The following STXBP5L variants were observed in gnomAD, a reference collection of about 807,000 sequenced individuals.
STXBP5L encodes the protein syntaxin-binding protein 5-like.
In STXBP5L, 65 loss-of-function variants were observed where a neutral mutation model predicts 144.5. That is an observed-to-expected ratio of 0.45 (90% CI 0.37 to 0.55). The LOEUF (loss-of-function observed/expected upper bound fraction) is 0.55, where lower values mean the gene tolerates loss of function less well. Ranked by LOEUF, STXBP5L falls within the 20% of genes least tolerant of loss-of-function variation. The probability of loss-of-function intolerance (pLI) is 0.00; values close to 1 mark genes in which losing one functional copy is unlikely to be tolerated. For synonymous variants in STXBP5L, 505 were observed against 469.6 expected (o/e 1.08, Z -0.97); for missense variants, 1,298 against 1,405.5 (o/e 0.92, Z 1.22).
chr3:121,385,932 G>A (rs2046417310), intron 22 of STXBP5L, among the ~76,000 whole-genome samples: 2 of 151,978 alleles, frequency 1.3e-5, no homozygotes, highest in Admixed American at 6.6e-5. Context: ...GGCTTTGTCT[G>A]GAAATTATTT....
chr3:120,981,892 T>C (rs982235604), intron 3 of STXBP5L, among the ~76,000 whole-genome samples: 1 of 152,196 alleles, frequency 6.6e-6, no homozygotes, highest in African/African-American at 2.4e-5. Context: ...TGTATGATTG[T>C]TTGGCTTCAA....
intron 20 of STXBP5L, among the ~76,000 whole-genome samples, chr3:121,343,298 G>C (rs1272551878): frequency 6.6e-6 from 1 of 152,022 alleles, no homozygotes; most frequent in Non-Finnish European, 1.5e-5. Flanking sequence ...TAGGTTGGCT[G>C]TTCACTCTGA....
At chr3:121,233,121 A>C (rs2049359933) in intron 11 of STXBP5L, among the ~76,000 whole-genome samples, 1 of 152,296 alleles carries the variant, frequency 6.6e-6, no homozygotes. Context: ...TGGTTACACA[A>C]CCTATAAATA....
chr3:120,974,020 A>G (rs1052170183), intron 3 of STXBP5L, among the ~76,000 whole-genome samples: 10 of 152,204 alleles, frequency 6.6e-5, no homozygotes, highest in Non-Finnish European at 1.0e-4. Context: ...ATGTGTCTTT[A>G]TAGCAGCATG....
chr3:121,167,281 T>C (rs1017982655), intron 9 of STXBP5L, among the ~76,000 whole-genome samples: 100 of 152,336 alleles, frequency 6.6e-4, no homozygotes, highest in Non-Finnish European at 2.4e-4. Flanking sequence ...ACCTAACTGC[T>C]TATGTGTTAA....
intron 19 of STXBP5L, among the ~76,000 whole-genome samples, chr3:121,304,602 C>T (rs2043272440): frequency 6.6e-6 from 1 of 151,984 alleles, no homozygotes; most frequent in Non-Finnish European, 1.5e-5. Context: ...CAACTCATCT[C>T]TAAATAACTC....
At chr3:121,006,197 G>T (rs923092014) in intron 3 of STXBP5L, among the ~76,000 whole-genome samples, 1 of 152,150 alleles carries the variant, frequency 6.6e-6, no homozygotes, top group African/African-American at 2.4e-5. Context: ...AAGTCTCTTT[G>T]TGGGTCTCTA....
At chr3:121,089,931 A>G (rs1373911706) in intron 5 of STXBP5L, among the ~76,000 whole-genome samples, 4 of 151,668 alleles carry the variant, frequency 2.6e-5, no homozygotes, top group African/African-American at 7.3e-5. Flanking sequence ...GGTTCTTTTT[A>G]CTTACTTTTT....
chr3:121,089,984 G>A (rs1474441351), intron 5 of STXBP5L, among the ~76,000 whole-genome samples: 3 of 151,914 alleles, frequency 2.0e-5, no homozygotes, highest in Non-Finnish European at 2.9e-5. Context: ...ATATGTGTCT[G>A]TACTTGTTGA....
At chr3:121,350,977 T>A (rs140217245) in intron 20 of STXBP5L, among the ~76,000 whole-genome samples, 25 of 152,302 alleles carry the variant, frequency 1.6e-4, no homozygotes, top group African/African-American at 5.8e-4. Context: ...TCATTCTCTG[T>A]CCAGCTTTGT....
intron 9 of STXBP5L, among the ~76,000 whole-genome samples, chr3:121,191,094 G>T (rs530726942): frequency 6.6e-6 from 1 of 151,862 alleles, no homozygotes; most frequent in Non-Finnish European, 1.5e-5. Context: ...CATCCCAGAC[G>T]ATGGGCGGCC....
At chr3:121,182,667 A>T (rs921232990) in intron 9 of STXBP5L, among the ~76,000 whole-genome samples, 12 of 152,196 alleles carry the variant, frequency 7.9e-5, no homozygotes, top group African/African-American at 2.7e-4. Flanking sequence ...GAACTAAATG[A>T]AATTGAAACA....
intron 18 of STXBP5L, among the ~76,000 whole-genome samples, chr3:121,276,108 G>A (rs2050875706): frequency 6.6e-6 from 1 of 150,616 alleles, no homozygotes; most frequent in African/African-American, 2.4e-5. Flanking sequence ...CTTCTTCTCA[G>A]GGAAAGATTG....
At chr3:121,324,171 G>T (rs751550580) in intron 20 of STXBP5L, among the ~76,000 whole-genome samples, 12 of 151,996 alleles carry the variant, frequency 7.9e-5, no homozygotes, top group Non-Finnish European at 1.6e-4. Context: ...TATCATAGAG[G>T]TTAGTCACAA....
intron 3 of STXBP5L, among the ~76,000 whole-genome samples, chr3:121,032,311 A>G (rs987278727): frequency 6.6e-6 from 1 of 152,152 alleles, no homozygotes; most frequent in East Asian, 1.9e-4. Context: ...AGAAGAATGT[A>G]TCATGAAGAA....
chr3:121,067,809 AT>A (rs2041618706), intron 5 of STXBP5L, among the ~76,000 whole-genome samples: 2 of 152,080 alleles, frequency 1.3e-5, no homozygotes, highest in South Asian at 4.1e-4. Flanking sequence ...TATTTTCTGT[AT>A]ATGTATTTAT....
At chr3:121,324,621 T>G (rs1301612445) in intron 20 of STXBP5L, 1 of 658,216 alleles carries the variant, frequency 1.5e-6, no homozygotes, top group Non-Finnish European at 2.7e-6. Context: ...CAAACAAAAG[T>G]TATTCATATC....
chr3:120,937,249 A>G (rs1212028506), intron 2 of STXBP5L, among the ~76,000 whole-genome samples: 1 of 152,172 alleles, frequency 6.6e-6, no homozygotes, highest in Non-Finnish European at 1.5e-5. Context: ...CTCTGAGTAT[A>G]TTTCAAAATG....
chr3:121,223,494 C>A (rs542874813), intron 11 of STXBP5L, among the ~76,000 whole-genome samples: 1 of 152,260 alleles, frequency 6.6e-6, no homozygotes, highest in East Asian at 1.9e-4. Flanking sequence ...CCAGCTCCAT[C>A]AATTCCATCC....
Sources: allele counts gnomAD v4.1 joint callset (sites outside exome capture counted in the v4.1 genomes callset), GRCh38; gene constraint gnomAD v4.1.1; transcripts MANE v1.5; gene names NCBI Gene and HGNC (gene_info 2026-07-23, HGNC 2026-07-21).